Variants in S100A1 observed in about 807,000 individuals in gnomAD.
The protein encoded by S100A1 is protein S100-A1.
A neutral mutation model predicts 7.6 loss-of-function variants in S100A1; 3 were observed. The ratio of observed to expected loss-of-function variants is 0.40; its 90% CI spans 0.18 to 1.02. The LOEUF is 1.02. Among genes scored for constraint, S100A1 ranks in the 50% least tolerant of loss-of-function variants. The pLI, the probability that S100A1 is intolerant of heterozygous loss-of-function variation, is 0.35. For synonymous variants in S100A1, 49 were observed against 49.0 expected, an observed-to-expected ratio of 1.00 and a Z score of 0.00; for missense variants, 126 against 115.0, an observed-to-expected ratio of 1.10 and a Z score of -0.44.
Position 153,628,499 on chromosome 1 carries a change from G to A in S100A1, c.-14+3G>A. 6.4e-7 allele frequency: 1 copy of A among 1,550,718 alleles called. No homozygotes were observed. Among genetic ancestry groups the A allele is most frequent in the Non-Finnish European group, 8.7e-7 (1 of 1,146,964 alleles). Reference sequence around the variant, plus strand: ...CCCACCTCAGGCCCAGGCCAACCGTGAGTACCCTGCCCCACTGGGCTAGTC... The same window carrying A: ...CCCACCTCAGGCCCAGGCCAACCGTAAGTACCCTGCCCCACTGGGCTAGTC... On this transcript the variant is annotated splice_donor_region_variant and intron_variant, in intron 1 of 2. Transcript: ENST00000292169.
Position 153,630,514 on chromosome 1 carries a change from C to T in S100A1, c.-8C>T. Reference sequence around the variant, plus strand: ...TCCATGATGGGGGTGGGTAGGTGCACTGCTGCAATGGGCTCTGAGCTGGAG... The same window carrying T: ...TCCATGATGGGGGTGGGTAGGTGCATTGCTGCAATGGGCTCTGAGCTGGAG... On this transcript the variant is annotated 5_prime_UTR_variant, in exon 2 of 3. Coordinates refer to ENST00000292169, the MANE Select transcript of S100A1 (RefSeq NM_006271.2). 3 of 1,613,876 alleles carry T rather than the reference C, an allele frequency of 1.9e-6. No homozygotes were observed. Among genetic ancestry groups the T allele is most frequent in the Non-Finnish European group, 2.5e-6 (3 of 1,179,884 alleles).
chr1:153,629,107 C>G (rs751382699), intron 1 of S100A1: 3 of 152,664 alleles, frequency 2.0e-5, no homozygotes, highest in Non-Finnish European at 4.4e-5. Context: ...CCTCTTGACT[C>G]CTCTTTCCCC....
At chr1:153,631,410 G>A (rs1267323933) in intron 2 of S100A1, 7 of 1,449,326 alleles carry the variant, frequency 4.8e-6, no homozygotes, top group Non-Finnish European at 6.6e-6. Context: ...ATTTGTATTA[G>A]AATTAAATTA....
At chr1:153,630,980 G>T (rs535455619) in intron 2 of S100A1, 298 of 401,318 alleles carry the variant, frequency 7.4e-4, no homozygotes, top group African/African-American at 5.7e-3. Flanking sequence ...CTTAACAGAT[G>T]TACCAGAAAG....
chr1:153,631,644 C>T (rs1668014798), intron 2 of S100A1, 54 bp from the exon 3 acceptor site: 1 of 1,613,598 alleles, frequency 6.2e-7, no homozygotes. Flanking sequence ...TTGCCTCTGA[C>T]TCAGTGCTGT....
At position 153,631,819 on chromosome 1, in the gene S100A1, A is replaced by G; in HGVS notation, c.263A>G (p.Asn88Ser). The change falls in exon 3 of 3, where the codon AAT becomes AGT. Residue 88 changes from asparagine (N) to serine (S), a missense_variant. Asn to Ser is a conservative substitution (Grantham distance 46). Transcript: ENST00000292169. Reference protein sequence around the residue: ...LVAALTVACNNFFWENS With the variant: ...LVAALTVACNSFFWENS Reference sequence around the variant, plus strand: ...GCTGCTCTCACAGTGGCCTGTAACAATTTCTTCTGGGAGAACAGTTGAGCA... The same window carrying G: ...GCTGCTCTCACAGTGGCCTGTAACAGTTTCTTCTGGGAGAACAGTTGAGCA... 5 of 1,614,006 alleles carry G rather than the reference A, an allele frequency of 3.1e-6. No individual in the cohort carries two copies. Among genetic ancestry groups the G allele is most frequent in the Non-Finnish European group, 4.2e-6 (5 of 1,180,018 alleles).
intron 2 of S100A1, 193 bp from the exon 3 acceptor site, chr1:153,631,505 C>G (rs565436117): frequency 6.2e-7 from 1 of 1,611,782 alleles, no homozygotes; most frequent in African/African-American, 1.3e-5. Flanking sequence ...ATTATTCATT[C>G]TGCCAGGTGA....
At chr1:153,628,968 G>A (rs554413424) in intron 1 of S100A1, 232 of 161,222 alleles carry the variant, frequency 1.4e-3, no homozygotes, top group African/African-American at 5.0e-3. Context: ...CTCAGGTCCC[G>A]GGGGAGTCTG....
rs555337527 is a variant in S100A1, at chr1:153,631,713, G to C, written c.157G>C (p.Asp53His). 2 of 1,614,158 alleles carry C rather than the reference G, an allele frequency of 1.2e-6. No homozygotes were observed. Among genetic ancestry groups the C allele is most frequent in the Admixed American group, 1.7e-5 (1 of 60,018 alleles). Residue 53 changes from aspartate (D) to histidine (H), a missense_variant, in exon 3 of 3, where the codon GAT (aspartate) becomes CAT (histidine). Coordinates refer to ENST00000292169, the MANE Select transcript of S100A1 (RefSeq NM_006271.2). ...CCCACCACAGGCCCAGAAGGATGTG[G>C]ATGCTGTGGACAAGGTGATGAAGGA... ...SGFLDAQKDV[D>H]AVDKVMKELD... is the part of the protein sequence containing the mutation.
At position 153,630,676 on chromosome 1, in the gene S100A1, G is replaced by A. The variant is rs1472539574; in HGVS notation, c.141+14G>A. The A allele has an allele frequency of 6.2e-7, 1 of 1,613,580 alleles. No individual in the cohort carries two copies. Among genetic ancestry groups the A allele is most frequent in the East Asian group, 2.2e-5 (1 of 44,862 alleles). ...GGCTTCCTGGATGTGAGCATAGAGT[G>A]GTGGAGTGGGAGTGGAGTGGGTGAA... is the stretch of plus-strand genomic sequence containing the variant. On this transcript the variant is annotated intron_variant, in intron 2 of 2. Coordinates refer to ENST00000292169, the MANE Select transcript of S100A1 (RefSeq NM_006271.2).
intron 2 of S100A1, 61 bp from the exon 3 acceptor site, chr1:153,631,637 C>T (rs537270712): frequency 1.2e-6 from 2 of 1,613,508 alleles, no homozygotes; most frequent in Admixed American, 3.3e-5. Context: ...CACCCCCTTG[C>T]CTCTGACTCA....
At chr1:153,631,564 C>T (rs1387840810) in intron 2 of S100A1, 134 bp from the exon 3 acceptor site, 3 of 1,613,772 alleles carry the variant, frequency 1.9e-6, no homozygotes, top group African/African-American at 2.7e-5. Flanking sequence ...TTTGAGGAGG[C>T]CTAGAAGAGT....
intron 2 of S100A1, chr1:153,631,492 A>C: frequency 6.2e-7 from 1 of 1,608,286 alleles, no homozygotes. Flanking sequence ...AACTGGTGTC[A>C]TTATTATTCA....
In S100A1 at chr1:153,631,963, A is replaced by G. The variant is rs990620651; in HGVS notation, c.*122A>G. ...CCCCACCCTTGCCCACCCCACCCCCACCCCCACCAAGGGCGCAAGAGTAGC... is the reference window on the plus strand; with the variant it reads ...CCCCACCCTTGCCCACCCCACCCCCGCCCCCACCAAGGGCGCAAGAGTAGC... On this transcript the variant is annotated 3_prime_UTR_variant, in exon 3 of 3. Coordinates refer to ENST00000292169, the MANE Select transcript of S100A1 (RefSeq NM_006271.2). 3.0e-6 allele frequency: 3 copies of G among 987,746 alleles called. No homozygotes were observed. Among genetic ancestry groups the G allele is most frequent in the Admixed American group, 4.1e-5 (1 of 24,214 alleles). 61.2% of individuals were successfully genotyped at this position (987,746 alleles called of 1,614,324 possible). A position where few individuals can be genotyped will look rare whatever the true frequency, so the allele number is the denominator to read the frequency against.
In S100A1 at chr1:153,630,845, T is replaced by C. The variant is rs552011278; in HGVS notation, c.141+183T>C. Among the ~76,000 whole-genome samples the C allele has an allele frequency of 1.3e-5, 2 of 152,372 alleles. 1 individual carries two copies. Among genetic ancestry groups the C allele is most frequent in the South Asian group, 4.1e-4 (2 of 4,830 alleles). On this transcript the variant is annotated intron_variant, in intron 2 of 2. Transcript: ENST00000292169. ...CCTCCTGGGTCAAGTCAAAATGCCC[T>C]GGTTTATTGATCACCTGTTAAGTGT...
At chr1:153,631,275 T>C (rs1198106907) in intron 2 of S100A1, 1 of 619,538 alleles carries the variant, frequency 1.6e-6, no homozygotes, top group South Asian at 2.1e-5. Flanking sequence ...TGAGGTTTTA[T>C]TGGACTGGGT....
Position 153,630,495 on chromosome 1 carries a change from A to T in S100A1, c.-13-14A>T, listed in dbSNP as rs1212546598. ...GCCTGGTCCTCAGCTCACTTCCATGATGGGGGTGGGTAGGTGCACTGCTGC... is the reference window on the plus strand; with the variant it reads ...GCCTGGTCCTCAGCTCACTTCCATGTTGGGGGTGGGTAGGTGCACTGCTGC... On this transcript the variant is annotated splice_polypyrimidine_tract_variant and intron_variant, in intron 1 of 2. Coordinates refer to ENST00000292169, the MANE Select transcript of S100A1 (RefSeq NM_006271.2). The T allele has an allele frequency of 3.1e-6, 5 of 1,612,614 alleles. No individual in the cohort carries two copies. The highest frequency in any genetic ancestry group is 1.7e-4 in the Middle Eastern group (1 of 5,970).
At chr1:153,628,615 GAGTC>G (rs1196772948) in intron 1 of S100A1, 119 bp downstream of exon 1, 7 of 1,454,678 alleles carry the variant, frequency 4.8e-6, no homozygotes, top group Admixed American at 5.0e-5. Context: ...GATCTGGGAG[GAGTC>G]AGTCAGGGTG....
At chr1:153,631,646 C>T (rs1457481870) in intron 2 of S100A1, 52 bp from the exon 3 acceptor site, 22 of 1,613,170 alleles carry the variant, frequency 1.4e-5, no homozygotes, top group Non-Finnish European at 1.7e-6. Context: ...GCCTCTGACT[C>T]AGTGCTGTAC....
Sources: allele counts gnomAD v4.1 joint callset (sites outside exome capture counted in the v4.1 genomes callset), GRCh38; gene constraint gnomAD v4.1.1; transcripts MANE v1.5; gene names NCBI Gene and HGNC (gene_info 2026-07-23, HGNC 2026-07-21).